Variants in TSPAN5 observed in about 807,000 individuals in gnomAD.
The protein encoded by TSPAN5 is tetraspanin 5.
TSPAN5 carries 10 observed loss-of-function variants against 37.1 expected under a neutral mutation model. That is an observed-to-expected ratio of 0.27 (90% CI 0.17 to 0.46). The LOEUF is 0.46. TSPAN5 is among the 20% of genes least tolerant of loss of function. The pLI, the probability that TSPAN5 is intolerant of heterozygous loss-of-function variation, is 1.00. For synonymous variants in TSPAN5, 110 were observed against 118.9 expected, an observed-to-expected ratio of 0.93 and a Z score of 0.48; for missense variants, 195 against 326.6, an observed-to-expected ratio of 0.60 and a Z score of 3.11.
At position 98,478,750 on chromosome 4, in the gene TSPAN5, T is replaced by C; in HGVS notation, c.511A>G (p.Thr171Ala). 6.2e-7 allele frequency: 1 copy of C among 1,614,080 alleles called. No individual in the cohort carries two copies. Among genetic ancestry groups the C allele is most frequent in the Non-Finnish European group, 8.5e-7 (1 of 1,180,028 alleles). Residue 171 changes from threonine (T) to alanine (A), a missense_variant, in exon 5 of 8, where the codon ACA becomes GCA. Thr to Ala is a moderately conservative substitution (Grantham distance 58). Transcript: ENST00000305798. ...CGCTCTCGACTTGCATTGGAATCTG[T>C]GCAATTGAAGTAAATATTTAGGTTC... The part of the protein sequence containing the change: ...DWNLNIYFNC[T>A]DSNASRERCG...
At chr4:98,500,972 C>T (rs976854409) in intron 2 of TSPAN5, among the ~76,000 whole-genome samples, 1 of 152,142 alleles carries the variant, frequency 6.6e-6, no homozygotes, top group African/African-American at 2.4e-5. Flanking sequence ...GGCATTTTCC[C>T]TCCTCTGAAA....
chr4:98,543,096 G>C (rs1188935236), intron 1 of TSPAN5, among the ~76,000 whole-genome samples: 2 of 152,188 alleles, frequency 1.3e-5, no homozygotes, highest in East Asian at 3.9e-4. Context: ...AAACCAAAAT[G>C]CTAGACAATA....
chr4:98,615,314 A>G (rs1756298410), intron 1 of TSPAN5, among the ~76,000 whole-genome samples: 1 of 152,196 alleles, frequency 6.6e-6, no homozygotes, highest in Non-Finnish European at 1.5e-5. Context: ...CCTCAGGGAC[A>G]ATGACAATAC....
chr4:98,472,701 T>C, intron 7 of TSPAN5, 114 bp from the exon 8 acceptor site: 5 of 887,506 alleles, frequency 5.6e-6, no homozygotes, highest in South Asian at 4.8e-5. Context: ...GTAATTCATA[T>C]GTGGTAAAAA....
At chr4:98,538,262 G>T (rs1056410859) in intron 1 of TSPAN5, among the ~76,000 whole-genome samples, 1 of 152,250 alleles carries the variant, frequency 6.6e-6, no homozygotes, top group Admixed American at 6.5e-5. Context: ...GAGCAAAGCA[G>T]TTACTTTGTG....
chr4:98,509,438 G>A (rs908654673), intron 1 of TSPAN5, among the ~76,000 whole-genome samples: 8 of 152,144 alleles, frequency 5.3e-5, no homozygotes, highest in African/African-American at 1.7e-4. Context: ...TAGCTGCTCC[G>A]AAAACATAGT....
chr4:98,609,603 C>A (rs745306991), intron 1 of TSPAN5, among the ~76,000 whole-genome samples: 1 of 152,200 alleles, frequency 6.6e-6, no homozygotes, highest in Non-Finnish European at 1.5e-5. Context: ...TCCAGCCTCT[C>A]GTGTCCAGGT....
intron 1 of TSPAN5, among the ~76,000 whole-genome samples, chr4:98,589,945 G>A (rs1406513804): frequency 1.3e-5 from 2 of 152,074 alleles, no homozygotes; most frequent in Non-Finnish European, 2.9e-5. Context: ...TATTTACATA[G>A]TCACACTACC....
rs142245355 is a variant in TSPAN5, at chr4:98,584,098, G to A, written c.81+74048C>T. ...GGAAAATAAGAGGTGAGATTTTTAC[G>A]GAGAGCTTCCAAATTATTTTTTCAA... On this transcript the variant is annotated intron_variant, in intron 1 of 7. Transcript: ENST00000305798. Among the ~76,000 whole-genome samples, 32 of 152,136 alleles carry A rather than the reference G, an allele frequency of 2.1e-4. No homozygotes were observed. The East Asian group carries it at 6.0e-3, about 28-fold the overall frequency.
At chr4:98,625,933 C>CTA (rs1756589854) in intron 1 of TSPAN5, among the ~76,000 whole-genome samples, 1 of 152,054 alleles carries the variant, frequency 6.6e-6, no homozygotes, top group South Asian at 2.1e-4. Flanking sequence ...AAGTTGAGTA[C>CTA]TATGTTTATG....
intron 1 of TSPAN5, among the ~76,000 whole-genome samples, chr4:98,620,491 C>T (rs1756456862): frequency 6.6e-6 from 1 of 152,208 alleles, no homozygotes; most frequent in Non-Finnish European, 1.5e-5. Context: ...GCAGAGTCCA[C>T]AAGCCTAAGA....
At chr4:98,628,628 G>A (rs903436483) in intron 1 of TSPAN5, among the ~76,000 whole-genome samples, 5 of 152,132 alleles carry the variant, frequency 3.3e-5, no homozygotes. Context: ...GATAGGCATG[G>A]CAGAAGCATT....
rs368602918 is a variant in TSPAN5 at position 98,655,045 on chromosome 4, C to G, written c.81+3101G>C. On this transcript the variant is annotated intron_variant, in intron 1 of 7. Coordinates refer to ENST00000305798, the MANE Select transcript of TSPAN5 (RefSeq NM_005723.4). ...GTATTTCAGTAGGGACAGAGTTTCA[C>G]CATGTTGGCCAGGATGGTCTTGATT... Among the ~76,000 whole-genome samples the G allele has an allele frequency of 1.8e-4, 27 of 152,296 alleles. 1 individual carries two copies. Among genetic ancestry groups the G allele is most frequent in the African/African-American group, 6.5e-4 (27 of 41,552 alleles).
intron 1 of TSPAN5, among the ~76,000 whole-genome samples, chr4:98,512,207 G>A (rs28483089): frequency 0.065 from 9,864 of 151,768 alleles, 442 homozygotes; most frequent in African/African-American, 0.12. Context: ...GCAAGACTCC[G>A]TCTCAAACAA....
chr4:98,569,376 T>C (rs1230575166), intron 1 of TSPAN5, among the ~76,000 whole-genome samples: 1 of 152,220 alleles, frequency 6.6e-6, no homozygotes, highest in African/African-American at 2.4e-5. Context: ...TTTCTAAGCC[T>C]TGGTCCTCAG....
intron 1 of TSPAN5, among the ~76,000 whole-genome samples, chr4:98,622,843 G>C (rs1255806179): frequency 2.0e-5 from 3 of 152,188 alleles, no homozygotes; most frequent in African/African-American, 4.8e-5. Context: ...CTCTGAAAAT[G>C]AGTGGTGGGA....
chr4:98,484,739 A>T (rs372342301), intron 3 of TSPAN5: 1 of 366,114 alleles, frequency 2.7e-6, no homozygotes. Context: ...AGCAAGGTGG[A>T]TCACTTGAGG....
At chr4:98,502,439 G>A (rs1753373595) in intron 2 of TSPAN5, among the ~76,000 whole-genome samples, 1 of 152,178 alleles carries the variant, frequency 6.6e-6, no homozygotes, top group Non-Finnish European at 1.5e-5. Context: ...CACCTGTGAG[G>A]TATGGAAACC....
In TSPAN5 at chr4:98,649,998, G is replaced by A. The variant is rs148276856; in HGVS notation, c.81+8148C>T. Reference sequence around the variant, plus strand: ...ATCTCAAAAGTTACTCCACATCTCTGTACTCCAATTTCTTCATCTGTCACA... The same window carrying A: ...ATCTCAAAAGTTACTCCACATCTCTATACTCCAATTTCTTCATCTGTCACA... On this transcript the variant is annotated intron_variant, in intron 1 of 7. Coordinates refer to ENST00000305798, the MANE Select transcript of TSPAN5 (RefSeq NM_005723.4). Among the ~76,000 whole-genome samples, 89 of 152,240 alleles carry A rather than the reference G, an allele frequency of 5.8e-4. No individual in the cohort carries two copies. In the East Asian group the frequency reaches 0.017, roughly 28 times the overall value.
Sources: gnomAD v4.1 joint callset for allele counts (sites outside exome capture counted in the v4.1 genomes callset) on GRCh38, gnomAD v4.1.1 for gene constraint, MANE v1.5 for transcripts, NCBI Gene and HGNC (gene_info 2026-07-23, HGNC 2026-07-21) for gene names.